Variants in PPFIBP2 observed in about 807,000 individuals in gnomAD.
PPFIBP2 encodes PPFIB scaffold protein 2.
PPFIBP2 carries 118 observed loss-of-function variants against 118.3 expected under a neutral mutation model. The observed-to-expected ratio is 1.00, with a 90% confidence interval of 0.86 to 1.16. The LOEUF (loss-of-function observed/expected upper bound fraction) is 1.16. Ranked by LOEUF, PPFIBP2 falls within the 50% of genes most tolerant of loss-of-function variation. The pLI, the probability that PPFIBP2 is intolerant of heterozygous loss-of-function variation, is 0.00. For missense variants in PPFIBP2, 1,195 were observed against 1,073.1 expected (o/e 1.11, Z -1.59); for synonymous variants, 414 against 397.4 (o/e 1.04, Z -0.50).
chr11:7,665,912 A>T, the PPFIBP2 span: 1 of 1,536,062 alleles, frequency 6.5e-7, no homozygotes, highest in South Asian at 1.2e-5. Flanking sequence ...ATTGCTCAGT[A>T]GGGTAGCGCC....
At chr11:7,545,853 G>A (rs898948560) in intron 1 of PPFIBP2, among the ~76,000 whole-genome samples, 1 of 152,184 alleles carries the variant, frequency 6.6e-6, no homozygotes, top group Non-Finnish European at 1.5e-5. Context: ...GGTGATTAGA[G>A]GGTTAGAACT....
rs1564976349 is a variant in PPFIBP2, at chr11:7,562,940, TATATATATATATATATA to T, written c.65-2612_65-2596del. Among the ~76,000 whole-genome samples, 70 of 74,170 alleles carry T rather than the reference TATATATATATATATATA, an allele frequency of 9.4e-4. 1 individual carries two copies. Among genetic ancestry groups the T allele is most frequent in the African/African-American group, 2.3e-3 (35 of 15,316 alleles). 48.7% of individuals were successfully genotyped at this position (74,170 alleles called of 152,430 possible). On this transcript the variant is annotated intron_variant, in intron 2 of 23. Transcript: ENST00000299492. ...TAGAAATTAAAGTTTTATATATATA[TATATATATATATATATA>T]TATATATATATATATATATACACGC...
chr11:7,639,088 A>G (rs1391767961), intron 14 of PPFIBP2, among the ~76,000 whole-genome samples: 3 of 152,168 alleles, frequency 2.0e-5, no homozygotes, highest in Non-Finnish European at 2.9e-5. Flanking sequence ...CCACATTTAA[A>G]CTATAATTTC....
chr11:7,523,810 G>A (rs556234170), intron 1 of PPFIBP2, among the ~76,000 whole-genome samples: 1 of 152,300 alleles, frequency 6.6e-6, no homozygotes, highest in Admixed American at 6.5e-5. Context: ...AATAGGGAAG[G>A]AGGTGATCCA....
At chr11:7,603,340 G>A (rs1271439437) in intron 5 of PPFIBP2, among the ~76,000 whole-genome samples, 1 of 152,238 alleles carries the variant, frequency 6.6e-6, no homozygotes, top group East Asian at 1.9e-4. Flanking sequence ...GAGGTTCAGA[G>A]AGATGATTGA....
At chr11:7,593,022 A>C (rs1401052011) in intron 3 of PPFIBP2, 110 bp from the exon 4 acceptor site, 4 of 1,442,300 alleles carry the variant, frequency 2.8e-6, no homozygotes, top group Admixed American at 2.4e-5. Context: ...TTGTACATAT[A>C]ATCAGTGAAA....
Position 7,653,618 on chromosome 11 carries a change from G to GC in PPFIBP2, c.*403dup. On this transcript the variant is annotated 3_prime_UTR_variant, in exon 24 of 24. Transcript: ENST00000299492. ...TGAGGGAAAAGCTCAAGTGCCTTAG[G>GC]CCCGTGGACCACAGTCTTGGCTGAG... The GC allele has an allele frequency of 7.7e-7, 1 of 1,296,314 alleles. No individual in the cohort carries two copies. Among genetic ancestry groups the GC allele is most frequent in the Non-Finnish European group, 1.0e-6 (1 of 993,764 alleles). The allele number at this position is 1,296,314 out of a possible 1,614,324, so 80.3% of individuals were successfully genotyped here.
At chr11:7,598,864 TGTTA>T (rs1273856034) in intron 5 of PPFIBP2, among the ~76,000 whole-genome samples, 2 of 152,326 alleles carry the variant, frequency 1.3e-5, no homozygotes, top group East Asian at 3.9e-4. Context: ...ATCTGGTGTT[TGTTA>T]GTTTTGTTTG....
chr11:7,628,741 G>T (rs1341606575), intron 9 of PPFIBP2, among the ~76,000 whole-genome samples: 2 of 152,188 alleles, frequency 1.3e-5, no homozygotes, highest in Non-Finnish European at 2.9e-5. Context: ...CAGTGCCTCA[G>T]TTTACCCTGC....
intron 4 of PPFIBP2, among the ~76,000 whole-genome samples, chr11:7,596,410 AT>A (rs557045055): frequency 1.4e-5 from 2 of 146,134 alleles, no homozygotes; most frequent in Admixed American, 6.8e-5. Flanking sequence ...TTTTTTTAAC[AT>A]TTTTTTTGGT....
At chr11:7,628,237 C>T (rs1451959794) in intron 8 of PPFIBP2, 48 bp from the exon 9 acceptor site, 1 of 1,503,736 alleles carries the variant, frequency 6.7e-7, no homozygotes. Context: ...GTGCGGATAG[C>T]TGTCTGTATT....
intron 1 of PPFIBP2, among the ~76,000 whole-genome samples, chr11:7,522,971 A>G (rs748173265): frequency 4.6e-5 from 7 of 152,186 alleles, no homozygotes; most frequent in Non-Finnish European, 7.3e-5. Context: ...CAGCCAGTTC[A>G]TGAGAAGTTG....
chr11:7,551,594 C>T (rs912814420), intron 2 of PPFIBP2, among the ~76,000 whole-genome samples: 8 of 152,098 alleles, frequency 5.3e-5, no homozygotes, highest in Admixed American at 2.6e-4. Flanking sequence ...TTTGCCTCTT[C>T]GTATAAAATT....
chr11:7,563,361 G>T (rs1053294305), intron 2 of PPFIBP2, among the ~76,000 whole-genome samples: 2 of 152,146 alleles, frequency 1.3e-5, no homozygotes, highest in African/African-American at 4.8e-5. Flanking sequence ...CTCTTAATTG[G>T]ATTTGTAGGA....
intron 17 of PPFIBP2, among the ~76,000 whole-genome samples, chr11:7,643,538 C>A (rs142551385): frequency 6.6e-6 from 1 of 152,126 alleles, no homozygotes; most frequent in Non-Finnish European, 1.5e-5. Flanking sequence ...CTTTATGAAC[C>A]GTAACAGTGG....
Position 7,653,274 on chromosome 11 carries a change from G to A in PPFIBP2, c.*56G>A. ...GAGAGCTCACAGTAACACTGTGTGTGTCACCATATAACTGCACCTCACCCC... is the reference window on the plus strand; with the variant it reads ...GAGAGCTCACAGTAACACTGTGTGTATCACCATATAACTGCACCTCACCCC... On this transcript the variant is annotated 3_prime_UTR_variant, in exon 24 of 24. Coordinates refer to ENST00000299492, the MANE Select transcript of PPFIBP2 (RefSeq NM_003621.5). 3.7e-6 allele frequency: 6 copies of A among 1,607,868 alleles called. No homozygotes were observed. Among genetic ancestry groups the A allele is most frequent in the South Asian group, 1.1e-5 (1 of 90,192 alleles).
At chr11:7,611,111 TGA>T (rs1434530452) in intron 6 of PPFIBP2, among the ~76,000 whole-genome samples, 2 of 152,200 alleles carry the variant, frequency 1.3e-5, no homozygotes, top group African/African-American at 4.8e-5. Context: ...CACCTAGCAA[TGA>T]GAGATATGAA....
chr11:7,584,614 C>A (rs1857800293), intron 3 of PPFIBP2, among the ~76,000 whole-genome samples: 1 of 152,150 alleles, frequency 6.6e-6, no homozygotes, highest in South Asian at 2.1e-4. Context: ...ATAAAAAAAT[C>A]TAGGGGAAGT....
At position 7,630,951 on chromosome 11, in the gene PPFIBP2, A is replaced by G. The variant is rs144948959; in HGVS notation, c.991A>G (p.Asn331Asp). The change falls in exon 11 of 24, where the codon AAT becomes GAT. Residue 331 changes from asparagine to aspartate, a missense_variant. Coordinates refer to ENST00000299492, the MANE Select transcript of PPFIBP2 (RefSeq NM_003621.5). ...GCCTTCGGAGAGAACTCTCTCAATC[A>G]ATGAAGAAGAACCGGAGGGAGGTTT... Reference protein sequence around the residue: ...QGPSERTLSINEEEPEGGFSK... With the variant: ...QGPSERTLSIDEEEPEGGFSK... 4.2e-5 allele frequency: 68 copies of G among 1,614,002 alleles called. No individual in the cohort carries two copies. The highest frequency in any genetic ancestry group is 1.6e-4 in the Middle Eastern group (1 of 6,084).
Sources: gnomAD v4.1 joint callset for allele counts (sites outside exome capture counted in the v4.1 genomes callset) on GRCh38, gnomAD v4.1.1 for gene constraint, MANE v1.5 for transcripts, NCBI Gene and HGNC (gene_info 2026-07-23, HGNC 2026-07-21) for gene names.